Variants in CLUAP1 observed in about 807,000 individuals in gnomAD.
The protein encoded by CLUAP1 is intraflagellar transport 38, also known as clusterin-associated protein 1.
Under a neutral mutation model 55.0 loss-of-function variants are expected in CLUAP1, and 50 were observed. That is an observed-to-expected ratio of 0.91 (90% CI 0.72 to 1.15). The LOEUF is 1.15. Ranked by LOEUF, CLUAP1 falls within the 50% of genes most tolerant of loss-of-function variation. The probability of loss-of-function intolerance (pLI) is 0.00; values close to 1 mark genes in which losing one functional copy is unlikely to be tolerated. For missense variants in CLUAP1, 530 were observed against 507.6 expected, an observed-to-expected ratio of 1.04 and a Z score of -0.42; for synonymous variants, 195 against 175.4, an observed-to-expected ratio of 1.11 and a Z score of -0.88.
At chr16:3,530,173 C>T (rs1567440803) in intron 9 of CLUAP1, among the ~76,000 whole-genome samples, 1 of 151,716 alleles carries the variant, frequency 6.6e-6, no homozygotes, top group Non-Finnish European at 1.5e-5. Flanking sequence ...ATCCATTCTT[C>T]AAGGCGGAGC....
At chr16:3,504,864 G>T in intron 2 of CLUAP1, 33 bp downstream of exon 2, 1 of 1,177,618 alleles carries the variant, frequency 8.5e-7, no homozygotes, top group South Asian at 1.2e-5. Context: ...ATCTAAGAGT[G>T]AATACTGGGT....
chr16:3,526,378 C>T (rs767286553), intron 8 of CLUAP1, 34 bp from the exon 9 acceptor site: 2 of 1,482,346 alleles, frequency 1.3e-6, no homozygotes, highest in Non-Finnish European at 1.8e-6. Context: ...AGAAAAGGGC[C>T]ATCTCTCCTG....
intron 9 of CLUAP1, among the ~76,000 whole-genome samples, chr16:3,529,694 T>TTA (rs57129371): frequency 1.2e-4 from 3 of 26,018 alleles, no homozygotes; most frequent in Admixed American, 1.5e-3. Flanking sequence ...TTATTATATA[T>TTA]TATATATTAT....
chr16:3,506,072 G>T (rs1292909127), intron 2 of CLUAP1, among the ~76,000 whole-genome samples: 1 of 152,234 alleles, frequency 6.6e-6, no homozygotes, highest in Non-Finnish European at 1.5e-5. Context: ...TTAGCTTCAT[G>T]ACATGGTGAG....
chr16:3,520,969 C>G (rs994457716), intron 7 of CLUAP1, among the ~76,000 whole-genome samples: 2 of 152,046 alleles, frequency 1.3e-5, no homozygotes, highest in African/African-American at 4.8e-5. Context: ...TCCCAGCTGC[C>G]TACTCTGCTC....
chr16:3,532,966 T>A lies in CLUAP1; in HGVS notation c.1092+125T>A, dbSNP rs576739977. 5.6e-5 allele frequency: 75 copies of A among 1,349,414 alleles called. No homozygotes were observed. In the Admixed American group the frequency reaches 1.0e-3, roughly 18 times the overall value. The allele number at this position is 1,349,414 out of a possible 1,614,324, so 83.6% of individuals were successfully genotyped here. ...TATGGTCAGCCCGGCCGTGCCTCGATGCGTGGCAGGGTTTGGCCTCATGAG... is the reference window on the plus strand; with the variant it reads ...TATGGTCAGCCCGGCCGTGCCTCGAAGCGTGGCAGGGTTTGGCCTCATGAG... On this transcript the variant is annotated intron_variant, in intron 11 of 11. Coordinates refer to ENST00000576634, the MANE Select transcript of CLUAP1 (RefSeq NM_015041.3).
chr16:3,520,642 G>C (rs2037816099), intron 7 of CLUAP1, among the ~76,000 whole-genome samples: 1 of 152,168 alleles, frequency 6.6e-6, no homozygotes, highest in African/African-American at 2.4e-5. Context: ...AGTGAATCCA[G>C]ACGGGGAAAT....
chr16:3,526,533 C>A (rs1184557158), intron 9 of CLUAP1, 49 bp downstream of exon 9: 1 of 1,311,386 alleles, frequency 7.6e-7, no homozygotes, highest in Non-Finnish European at 1.0e-6. Context: ...CTAGTATTTT[C>A]AGCCTTGAAA....
chr16:3,500,809 A>T, upstream of CLUAP1: 1 of 554,022 alleles, frequency 1.8e-6, no homozygotes, highest in South Asian at 2.2e-5. Context: ...ACAGACGCCC[A>T]GAAGCTGGGA....
chr16:3,538,974 T>C lies in CLUAP1; in HGVS notation c.*2703T>C, dbSNP rs1381434197. On this transcript the variant is annotated 3_prime_UTR_variant, in exon 12 of 12. Coordinates refer to ENST00000576634, the MANE Select transcript of CLUAP1 (RefSeq NM_015041.3). ...TTGCTGACAATTTTTACTATATAAT[T>C]AGAGGACTTCCTAAAATGCTTTAAA... The C allele has an allele frequency of 6.6e-6, 1 of 152,180 alleles. No homozygotes were observed. The highest frequency in any genetic ancestry group is 1.5e-5 in the Non-Finnish European group (1 of 68,028). The allele number at this position is 152,180 out of a possible 1,614,324, so 9.4% of individuals were successfully genotyped here. A position where few individuals can be genotyped will look rare whatever the true frequency, so the allele number is the denominator to read the frequency against.
At chr16:3,498,893 CAACA>C (rs971831434), upstream of CLUAP1, among the ~76,000 whole-genome samples, 36 of 142,896 alleles carry the variant, frequency 2.5e-4, no homozygotes, top group Admixed American at 1.6e-3. Flanking sequence ...CAAACAACAA[CAACA>C]AAAAAAAGTG....
In CLUAP1 at chr16:3,509,116, T is replaced by C. The variant is rs763344234; in HGVS notation, c.399+648T>C. The stretch of plus-strand genomic sequence containing the variant: ...TACCAAAAAAAAGAAAAAAATTAGC[T>C]AGGCGTGGTGGTACACACCTGTGGT... On this transcript the variant is annotated intron_variant, in intron 4 of 11. Coordinates refer to ENST00000576634, the MANE Select transcript of CLUAP1 (RefSeq NM_015041.3). 5.2e-4 allele frequency among the ~76,000 whole-genome samples: 79 copies of C among 152,026 alleles called. 1 individual carries two copies. The highest frequency in any genetic ancestry group is 4.7e-4 in the Non-Finnish European group (32 of 68,008).
At position 3,530,677 on chromosome 16, in the gene CLUAP1, T is replaced by A. The variant is rs769455743; in HGVS notation, c.1036+2T>A. The A allele has an allele frequency of 1.2e-5, 20 of 1,612,714 alleles. No individual in the cohort carries two copies. Among genetic ancestry groups the A allele is most frequent in the Non-Finnish European group, 1.6e-5 (19 of 1,178,902 alleles). ...CAGCCATGGAGATGCTCATGCAAGG[T>A]ACCCCGGCGTCTTTCGCTGGACTTC... is the stretch of plus-strand genomic sequence containing the variant. On this transcript the variant is annotated splice_donor_variant, in intron 10 of 11. Coordinates refer to ENST00000576634, the MANE Select transcript of CLUAP1 (RefSeq NM_015041.3). LOFTEE classifies it high-confidence loss of function.
chr16:3,503,119 C>T (rs549585692), intron 1 of CLUAP1, among the ~76,000 whole-genome samples: 1 of 151,998 alleles, frequency 6.6e-6, no homozygotes, highest in African/African-American at 2.4e-5. Flanking sequence ...GAATTATAGG[C>T]GCCCGCCACC....
intron 4 of CLUAP1, among the ~76,000 whole-genome samples, chr16:3,509,156 A>C (rs935735249): frequency 6.6e-6 from 1 of 152,126 alleles, no homozygotes; most frequent in Admixed American, 6.6e-5. Flanking sequence ...GCTGCCCAGG[A>C]GGCTGAGGTG....
intron 1 of CLUAP1, among the ~76,000 whole-genome samples, chr16:3,501,858 T>C (rs2037409732): frequency 6.6e-6 from 1 of 152,108 alleles, no homozygotes; most frequent in African/African-American, 2.4e-5. Flanking sequence ...GCTAACATTT[T>C]TTGAGTTTTA....
chr16:3,506,375 A>G lies in CLUAP1; in HGVS notation c.179A>G (p.Gln60Arg). 6.2e-7 allele frequency: 1 copy of G among 1,614,156 alleles called. No individual in the cohort carries two copies. The highest frequency in any genetic ancestry group is 2.2e-5 in the East Asian group (1 of 44,880). The stretch of plus-strand genomic sequence containing the variant: ...ATCCCGCCTGACGTGGATACTGAAC[A>G]GGACCGAGTTTTCTTCATTAAGGCA... ...TDIPPDVDTE[Q>R]DRVFFIKAIA... Residue 60 changes from glutamine (Q) to arginine (R), a missense_variant, in exon 3 of 12, where the codon CAG becomes CGG. Gln to Arg is a conservative substitution (Grantham distance 43). Transcript: ENST00000576634.
upstream of CLUAP1, chr16:3,500,941 TTTTG>T: frequency 1.9e-6 from 2 of 1,026,838 alleles, no homozygotes; most frequent in African/African-American, 1.6e-5. Context: ...TCGCTTCGCT[TTTTG>T]TTTGTCCCTG....
At chr16:3,520,575 T>A (rs189207216) in intron 7 of CLUAP1, among the ~76,000 whole-genome samples, 1 of 152,312 alleles carries the variant, frequency 6.6e-6, no homozygotes, top group East Asian at 1.9e-4. Flanking sequence ...GGAAAACTGC[T>A]TAAAGCTTGA....
Sources: allele counts gnomAD v4.1 joint callset (sites outside exome capture counted in the v4.1 genomes callset), GRCh38; gene constraint gnomAD v4.1.1; transcripts MANE v1.5; gene names NCBI Gene and HGNC (gene_info 2026-07-23, HGNC 2026-07-21).